TG: variants seen among roughly 807,000 people sequenced by gnomAD.
The protein encoded by TG is thyroglobulin, also known as thyroid hormones.
A neutral mutation model predicts 324.7 loss-of-function variants in TG; 270 were observed. The ratio of observed to expected loss-of-function variants is 0.83; its 90% CI spans 0.75 to 0.92. TG has a LOEUF of 0.92. Among genes scored for constraint, TG ranks in the 40% least tolerant of loss-of-function variants. The pLI is 0.00. For synonymous variants in TG, 1,401 were observed against 1,327.0 expected, an observed-to-expected ratio of 1.06 and a Z score of -1.21; for missense variants, 3,591 against 3,456.4, an observed-to-expected ratio of 1.04 and a Z score of -0.98.
At chr8:133,099,531 T>C (rs1222768163) in intron 43 of TG, among the ~76,000 whole-genome samples, 2 of 152,210 alleles carry the variant, frequency 1.3e-5, no homozygotes, top group Non-Finnish European at 2.9e-5. Context: ...AACTCTGAAC[T>C]GGTTTAGCCA....
chr8:133,075,348 T>G (rs1427702034), intron 41 of TG, among the ~76,000 whole-genome samples: 3 of 152,254 alleles, frequency 2.0e-5, no homozygotes, highest in East Asian at 3.9e-4. Context: ...GTTTCCCAAT[T>G]TTTGCAGCTT....
rs770286140 is a variant in TG, at chr8:132,906,907, G to A, written c.3847+7G>A. 1 of 1,608,070 alleles carries A rather than the reference G, an allele frequency of 6.2e-7. No individual in the cohort carries two copies. The highest frequency in any genetic ancestry group is 8.5e-7 in the Non-Finnish European group (1 of 1,177,432). ...CAGCCCCGGGCCTGCCAACGTGAGT[G>A]GCATCAGAGCATCTATCCTGCACCC... On this transcript the variant is annotated splice_region_variant and intron_variant, in intron 17 of 47. Coordinates refer to ENST00000220616, the MANE Select transcript of TG (RefSeq NM_003235.5).
At chr8:133,005,973 G>T (rs1833984695) in intron 35 of TG, among the ~76,000 whole-genome samples, 1 of 152,172 alleles carries the variant, frequency 6.6e-6, no homozygotes. Flanking sequence ...CTGCACTGGA[G>T]GAAAAGAACT....
intron 5 of TG, among the ~76,000 whole-genome samples, chr8:132,879,544 A>T (rs759682622): frequency 2.0e-5 from 3 of 152,236 alleles, no homozygotes; most frequent in Non-Finnish European, 4.4e-5. Context: ...ATTAATAGCA[A>T]CAATCATATT....
chr8:132,893,555 GTGTA>G, intron 10 of TG, 131 bp from the exon 11 acceptor site: 1 of 1,222,804 alleles, frequency 8.2e-7, no homozygotes, highest in Non-Finnish European at 1.2e-6. Flanking sequence ...GGGGGGTGGT[GTGTA>G]TGTGTGTGGT....
At chr8:132,927,913 GAGA>G (rs535143692) in intron 22 of TG, among the ~76,000 whole-genome samples, 8 of 152,168 alleles carry the variant, frequency 5.3e-5, no homozygotes, top group Non-Finnish European at 1.2e-4. Flanking sequence ...AAAGAGATGA[GAGA>G]AGAAGGGCTT....
At chr8:132,891,012 G>A (rs886608241) in intron 10 of TG, among the ~76,000 whole-genome samples, 2 of 152,194 alleles carry the variant, frequency 1.3e-5, no homozygotes, top group Non-Finnish European at 2.9e-5. Context: ...GAGACCAGTG[G>A]GGAAACCAAG....
intron 41 of TG, chr8:133,051,010 T>A: frequency 9.1e-6 from 6 of 662,928 alleles, no homozygotes; most frequent in Non-Finnish European, 1.6e-5. Context: ...GAAGATGAGA[T>A]TTTCCAGCAG....
intron 6 of TG, 57 bp from the exon 7 acceptor site, chr8:132,882,412 G>C (rs1429536430): frequency 1.9e-6 from 3 of 1,606,140 alleles, no homozygotes; most frequent in Non-Finnish European, 2.6e-6. Context: ...GCACAACAAG[G>C]TCAGGGCTTC....
At chr8:133,041,601 G>T (rs1314426085) in intron 41 of TG, among the ~76,000 whole-genome samples, 3 of 152,202 alleles carry the variant, frequency 2.0e-5, no homozygotes, top group Admixed American at 6.5e-5. Context: ...ATCAGCTGCA[G>T]TGTGCAGCAC....
intron 41 of TG, among the ~76,000 whole-genome samples, chr8:133,071,687 A>G (rs767930893): frequency 1.3e-5 from 2 of 152,030 alleles, no homozygotes. Context: ...ACTGGAGGGA[A>G]CACGTTCAGC....
chr8:133,114,217 C>T (rs144217590), intron 44 of TG, among the ~76,000 whole-genome samples: 4 of 152,306 alleles, frequency 2.6e-5, no homozygotes, highest in African/African-American at 7.2e-5. Context: ...GACAGCCCTG[C>T]GCCCTCTCTC....
intron 10 of TG, 49 bp downstream of exon 10, chr8:132,888,617 G>GTGTA: frequency 6.7e-7 from 1 of 1,500,876 alleles, no homozygotes; most frequent in Non-Finnish European, 9.0e-7. Context: ...GTGTGTGTGT[G>GTGTA]TGTGTATGTG....
At chr8:132,900,636 C>T (rs891781308) in intron 15 of TG, among the ~76,000 whole-genome samples, 6 of 152,186 alleles carry the variant, frequency 3.9e-5, no homozygotes, top group Non-Finnish European at 5.9e-5. Context: ...GAGGGCTGGC[C>T]GGATGTGTGG....
At chr8:132,928,317 A>G (rs1822187963) in intron 22 of TG, among the ~76,000 whole-genome samples, 1 of 152,224 alleles carries the variant, frequency 6.6e-6, no homozygotes, top group African/African-American at 2.4e-5. Context: ...GAGGTTGTAC[A>G]TAAGTTTTTC....
chr8:133,069,265 G>A (rs1325552728), intron 41 of TG, among the ~76,000 whole-genome samples: 1 of 152,188 alleles, frequency 6.6e-6, no homozygotes, highest in Non-Finnish European at 1.5e-5. Flanking sequence ...ATTCGTACAT[G>A]TGAATCACAG....
Position 132,960,919 on chromosome 8 carries a change from G to A in TG, c.5402-89G>A, listed in dbSNP as rs750836830. 191 of 1,292,182 alleles carry A rather than the reference G, an allele frequency of 1.5e-4. 1 individual carries two copies. Among genetic ancestry groups the A allele is most frequent in the Non-Finnish European group, 2.1e-4 (182 of 887,106 alleles). 80.0% of individuals were successfully genotyped at this position (1,292,182 alleles called of 1,614,324 possible). ...GAGTTTTCAGGCCTAGGAAGAGCCT[G>A]TGTCAAGGGAGATGGGGCTATTGCA... On this transcript the variant is annotated intron_variant, in intron 27 of 47. Transcript: ENST00000220616.
chr8:132,989,444 C>T (rs1292306684), intron 35 of TG, among the ~76,000 whole-genome samples: 1 of 152,238 alleles, frequency 6.6e-6, no homozygotes. Context: ...GCACAGGTTG[C>T]TGCTGGCAGA....
Position 133,045,551 on chromosome 8 carries a change from C to T in TG, c.7239+15528C>T, listed in dbSNP as rs530158376. ...CTGGGACTACAGGCATGCGCCACCACGCCCAGTTAATTCTTTTATTTTTTG... is the reference window on the plus strand; with the variant it reads ...CTGGGACTACAGGCATGCGCCACCATGCCCAGTTAATTCTTTTATTTTTTG... On this transcript the variant is annotated intron_variant, in intron 41 of 47. Coordinates refer to ENST00000220616, the MANE Select transcript of TG (RefSeq NM_003235.5). 4.6e-5 allele frequency among the ~76,000 whole-genome samples: 7 copies of T among 152,064 alleles called. No homozygotes were observed. The East Asian group carries it at 9.7e-4, about 21-fold the overall frequency.
Sources: allele counts gnomAD v4.1 joint callset (sites outside exome capture counted in the v4.1 genomes callset), GRCh38; gene constraint gnomAD v4.1.1; transcripts MANE v1.5; gene names NCBI Gene and HGNC (gene_info 2026-07-23, HGNC 2026-07-21).